SIL1: variants seen among roughly 807,000 people sequenced by gnomAD.
SIL1 encodes nucleotide exchange factor SIL1.
Under a neutral mutation model 49.1 loss-of-function variants are expected in SIL1, and 40 were observed. That is an observed-to-expected ratio of 0.81 (90% confidence interval 0.63 to 1.06). The LOEUF is 1.06. Ranked by LOEUF, SIL1 falls within the 50% of genes least tolerant of loss-of-function variation. SIL1 has a pLI of 0.00. For synonymous variants in SIL1, 253 were observed against 250.8 expected (o/e 1.01, Z -0.08); for missense variants, 500 against 572.6 (o/e 0.87, Z 1.29).
At chr5:139,160,089 T>C (rs1320131390) in intron 1 of SIL1, among the ~76,000 whole-genome samples, 1 of 151,336 alleles carries the variant, frequency 6.6e-6, no homozygotes, top group African/African-American at 2.4e-5. Context: ...ACAGTCACAG[T>C]GGGGTGGGAG....
intron 4 of SIL1, among the ~76,000 whole-genome samples, chr5:139,050,347 A>C (rs913619737): frequency 1.3e-5 from 2 of 152,244 alleles, no homozygotes; most frequent in African/African-American, 4.8e-5. Flanking sequence ...CAAAGAAAGC[A>C]TGCTAATTCA....
intron 7 of SIL1, among the ~76,000 whole-genome samples, chr5:139,004,951 G>T (rs1025695392): frequency 5.3e-5 from 8 of 152,164 alleles, no homozygotes; most frequent in Non-Finnish European, 1.0e-4. Flanking sequence ...AAGGGCTGGG[G>T]TAAAAGATAG....
At chr5:139,064,199 A>G (rs1769652985) in intron 3 of SIL1, among the ~76,000 whole-genome samples, 1 of 152,148 alleles carries the variant, frequency 6.6e-6, no homozygotes, top group South Asian at 2.1e-4. Context: ...CAATTTCCCT[A>G]GTGGCCCTGC....
intron 5 of SIL1, among the ~76,000 whole-genome samples, chr5:139,038,038 A>G (rs116285492): frequency 7.4e-4 from 112 of 152,288 alleles, no homozygotes; most frequent in African/African-American, 2.6e-3. Context: ...GAGAGAGAGT[A>G]CTGGTCTCTC....
intron 9 of SIL1, among the ~76,000 whole-genome samples, chr5:138,949,444 C>T (rs1349472876): frequency 6.6e-6 from 1 of 152,206 alleles, no homozygotes; most frequent in Non-Finnish European, 1.5e-5. Flanking sequence ...ACCCCTCCAT[C>T]GTGGTGGACA....
At chr5:139,159,718 G>C (rs1011246454) in intron 1 of SIL1, among the ~76,000 whole-genome samples, 1 of 152,134 alleles carries the variant, frequency 6.6e-6, no homozygotes, top group African/African-American at 2.4e-5. Context: ...TAAGAGAAGA[G>C]AGACCTTTGG....
In SIL1 at chr5:139,043,636, A is replaced by G. The variant is rs960058505; in HGVS notation, c.354-917T>C. On this transcript the variant is annotated intron_variant, in intron 4 of 9. Transcript: ENST00000394817. ...CCAAAGGGAGGAGGGAAAGGAACCA[A>G]TGTGGCTATAATCTCAGGAACCTGC... Among the ~76,000 whole-genome samples the G allele has an allele frequency of 4.6e-5, 7 of 152,188 alleles. No individual in the cohort carries two copies. In the East Asian group the frequency reaches 1.3e-3, roughly 29 times the overall value.
At chr5:139,068,919 A>C (rs1398314638) in intron 3 of SIL1, among the ~76,000 whole-genome samples, 1 of 152,202 alleles carries the variant, frequency 6.6e-6, no homozygotes, top group Non-Finnish European at 1.5e-5. Flanking sequence ...AAATGCACTA[A>C]AGACATTTGT....
At chr5:139,152,386 C>T (rs990232629) in intron 1 of SIL1, among the ~76,000 whole-genome samples, 53 of 151,922 alleles carry the variant, frequency 3.5e-4, no homozygotes, top group African/African-American at 1.2e-3. Context: ...TTTAGGAGGC[C>T]GAGGCAGGTG....
intron 3 of SIL1, among the ~76,000 whole-genome samples, chr5:139,070,159 G>A (rs1335598002): frequency 6.6e-6 from 1 of 152,128 alleles, no homozygotes; most frequent in Admixed American, 6.5e-5. Context: ...ACAAAAAAAT[G>A]TTTTAAACTA....
In SIL1 at chr5:139,056,714, C is replaced by T. The variant is rs1311979481; in HGVS notation, c.245-5668G>A. Reference sequence around the variant, plus strand: ...GAGGTGGGGGCGTCAGCCCCCCGCCCGGCCAGCCGCCCCGCCCGGGAGGTG... The same window carrying T: ...GAGGTGGGGGCGTCAGCCCCCCGCCTGGCCAGCCGCCCCGCCCGGGAGGTG... On this transcript the variant is annotated intron_variant, in intron 3 of 9. Coordinates refer to ENST00000394817, the MANE Select transcript of SIL1 (RefSeq NM_022464.5). Among the ~76,000 whole-genome samples the T allele has an allele frequency of 2.7e-5, 4 of 150,700 alleles. No homozygotes were observed. The East Asian group carries it at 6.0e-4, about 23-fold the overall frequency.
intron 1 of SIL1, among the ~76,000 whole-genome samples, chr5:139,187,367 A>G (rs1218998080): frequency 6.6e-6 from 1 of 152,154 alleles, no homozygotes; most frequent in Middle Eastern, 3.2e-3. Flanking sequence ...AATTACAAAA[A>G]TTAGCCGGGT....
chr5:139,135,697 T>C (rs1048525511), intron 1 of SIL1, among the ~76,000 whole-genome samples: 2 of 97,554 alleles, frequency 2.1e-5, no homozygotes, highest in East Asian at 5.9e-4. Flanking sequence ...AGAAGGGAGC[T>C]AAACAAACTA....
intron 2 of SIL1, 23 bp from the exon 3 acceptor site, chr5:139,121,196 A>G (rs1330880452): frequency 1.1e-5 from 17 of 1,613,896 alleles, no homozygotes; most frequent in Non-Finnish European, 1.1e-5. Flanking sequence ...AACACAGGGC[A>G]TGACCCACTG....
chr5:138,960,831 A>G (rs1397506281), intron 7 of SIL1, among the ~76,000 whole-genome samples: 3 of 152,220 alleles, frequency 2.0e-5, no homozygotes, highest in Non-Finnish European at 2.9e-5. Context: ...TGATTTCCTG[A>G]AACGCAGACT....
chr5:139,170,856 C>T (rs1199956037), intron 1 of SIL1, among the ~76,000 whole-genome samples: 1 of 149,978 alleles, frequency 6.7e-6, no homozygotes, highest in Non-Finnish European at 1.5e-5. Flanking sequence ...CCAGCCGCCC[C>T]GTCCGGGAGG....
Position 139,121,080 on chromosome 5 carries a change from G to A in SIL1, c.199C>T (p.Leu67=). 6.2e-7 allele frequency: 1 copy of A among 1,614,188 alleles called. No homozygotes were observed. The highest frequency in any genetic ancestry group is 8.5e-7 in the Non-Finnish European group (1 of 1,180,040). ...KAEEELDAEV[L]EVFHPTHEWQ... ...TCATGCGTCGGGTGGAACACCTCCA[G>A]GACTTCGGCATCCAGCTCCTCCTCG... Residue 67 remains leucine, a synonymous_variant, in exon 3 of 10, where the codon CTG becomes TTG. Coordinates refer to ENST00000394817, the MANE Select transcript of SIL1 (RefSeq NM_022464.5).
intron 1 of SIL1, among the ~76,000 whole-genome samples, chr5:139,147,276 T>C (rs1461670208): frequency 1.3e-5 from 2 of 152,160 alleles, no homozygotes; most frequent in African/African-American, 2.4e-5. Context: ...ACTCAGTTTG[T>C]CTGCAGATCT....
At chr5:139,046,479 T>C (rs192475285) in intron 4 of SIL1, among the ~76,000 whole-genome samples, 2 of 152,310 alleles carry the variant, frequency 1.3e-5, no homozygotes, top group Admixed American at 1.3e-4. Context: ...TCTTCTCCTA[T>C]AGTCACCTTG....
Sources: allele counts gnomAD v4.1 joint callset (sites outside exome capture counted in the v4.1 genomes callset), GRCh38; gene constraint gnomAD v4.1.1; transcripts MANE v1.5; gene names NCBI Gene and HGNC (gene_info 2026-07-23, HGNC 2026-07-21).